KCNIP1: variants seen among roughly 807,000 people sequenced by gnomAD.
KCNIP1 encodes the protein A-type potassium channel modulatory protein KCNIP1.
KCNIP1 carries 18 observed loss-of-function variants against 33.0 expected under a neutral mutation model. That is an observed-to-expected ratio of 0.55 (90% CI 0.38 to 0.81). The LOEUF is 0.81. KCNIP1 is among the 30% of genes least tolerant of loss of function. The pLI, the probability that KCNIP1 is intolerant of heterozygous loss-of-function variation, is 0.00. For missense variants in KCNIP1, 238 were observed against 271.6 expected, an observed-to-expected ratio of 0.88 and a Z score of 0.87; for synonymous variants, 93 against 98.3, an observed-to-expected ratio of 0.95 and a Z score of 0.32.
intron 5 of KCNIP1, 58 bp from the exon 6 acceptor site, chr5:170,732,742 C>T: frequency 2.6e-6 from 3 of 1,143,756 alleles, no homozygotes; most frequent in Non-Finnish European, 4.0e-6. Context: ...ACTCTGTCAC[C>T]TAGGAAGAGC....
At chr5:170,355,121 T>G (rs1763311238) in intron 1 of KCNIP1, among the ~76,000 whole-genome samples, 1 of 152,200 alleles carries the variant, frequency 6.6e-6, no homozygotes, top group South Asian at 2.1e-4. Flanking sequence ...TCTGTTTATC[T>G]CCTTCCTTGG....
At chr5:170,546,437 G>A (rs1388453876) in intron 1 of KCNIP1, among the ~76,000 whole-genome samples, 1 of 152,110 alleles carries the variant, frequency 6.6e-6, no homozygotes, top group Non-Finnish European at 1.5e-5. Context: ...TATATTTCAG[G>A]CTTCTCTTGT....
At chr5:170,692,791 G>A (rs759340997) in intron 1 of KCNIP1, among the ~76,000 whole-genome samples, 11 of 152,186 alleles carry the variant, frequency 7.2e-5, no homozygotes, top group Admixed American at 2.0e-4. Flanking sequence ...ATGCTTATAT[G>A]TTGGTTAAAC....
At chr5:170,438,475 G>A (rs1016929619) in intron 1 of KCNIP1, among the ~76,000 whole-genome samples, 6 of 152,156 alleles carry the variant, frequency 3.9e-5, no homozygotes, top group African/African-American at 1.2e-4. Flanking sequence ...TCATCTGAGG[G>A]AGCTTTCTAA....
At chr5:170,679,134 C>T (rs989992393) in intron 1 of KCNIP1, 2 of 152,214 alleles carry the variant, frequency 1.3e-5, no homozygotes, top group Non-Finnish European at 2.9e-5. Context: ...GGTAGCGTGG[C>T]ATCCTGGTAA....
chr5:170,363,000 A>G (rs1309909060), intron 1 of KCNIP1, among the ~76,000 whole-genome samples: 1 of 152,244 alleles, frequency 6.6e-6, no homozygotes, highest in East Asian at 1.9e-4. Flanking sequence ...TCACAAGTTC[A>G]GAAACAGTGG....
chr5:170,689,347 C>T (rs532583026), intron 1 of KCNIP1, among the ~76,000 whole-genome samples: 2 of 152,164 alleles, frequency 1.3e-5, no homozygotes, highest in African/African-American at 4.8e-5. Context: ...GTAATAATAC[C>T]TCTGTGTTCA....
intron 1 of KCNIP1, among the ~76,000 whole-genome samples, chr5:170,478,312 A>T (rs1180140753): frequency 1.3e-5 from 2 of 152,230 alleles, no homozygotes; most frequent in Non-Finnish European, 2.9e-5. Flanking sequence ...GGTTAGAAAG[A>T]TATCACAGAC....
At chr5:170,449,526 C>T (rs1240440565) in intron 1 of KCNIP1, among the ~76,000 whole-genome samples, 1 of 152,230 alleles carries the variant, frequency 6.6e-6, no homozygotes, top group African/African-American at 2.4e-5. Context: ...TCCTGCCCCA[C>T]TTAGCAGCTG....
intron 1 of KCNIP1, among the ~76,000 whole-genome samples, chr5:170,655,780 G>T (rs1761236694): frequency 6.6e-6 from 1 of 152,172 alleles, no homozygotes; most frequent in Non-Finnish European, 1.5e-5. Context: ...CCCAACCGTA[G>T]CAAAGTTTAA....
At chr5:170,450,863 G>A (rs960020741) in intron 1 of KCNIP1, among the ~76,000 whole-genome samples, 8 of 152,134 alleles carry the variant, frequency 5.3e-5, no homozygotes, top group African/African-American at 1.9e-4. Flanking sequence ...TCCCCTGCAA[G>A]GCCAGGGGCT....
At chr5:170,383,226 A>G (rs1347188352) in intron 1 of KCNIP1, 1 of 282,518 alleles carries the variant, frequency 3.5e-6, no homozygotes, top group Non-Finnish European at 6.7e-6. Flanking sequence ...TTTCCTGGGG[A>G]GTCACCGGGA....
intron 1 of KCNIP1, among the ~76,000 whole-genome samples, chr5:170,621,994 G>A (rs1448972107): frequency 6.6e-6 from 1 of 152,114 alleles, no homozygotes; most frequent in East Asian, 1.9e-4. Context: ...CTTGCAAGCA[G>A]CCGTGTGACT....
intron 3 of KCNIP1, among the ~76,000 whole-genome samples, chr5:170,721,474 C>G (rs187445254): frequency 5.9e-5 from 9 of 152,306 alleles, no homozygotes; most frequent in African/African-American, 2.2e-4. Flanking sequence ...CATCCAAGTT[C>G]AGGTCTCTCT....
At chr5:170,518,146 G>T (rs183959847) in intron 1 of KCNIP1, among the ~76,000 whole-genome samples, 1 of 151,538 alleles carries the variant, frequency 6.6e-6, no homozygotes, top group East Asian at 1.9e-4. Context: ...TAGCAGTAGG[G>T]CTGATGGTGG....
intron 1 of KCNIP1, among the ~76,000 whole-genome samples, chr5:170,368,969 C>T (rs1001351562): frequency 6.6e-6 from 1 of 152,178 alleles, no homozygotes; most frequent in African/African-American, 2.4e-5. Context: ...CAGAGAGAGA[C>T]AGAGACAGAG....
intron 1 of KCNIP1, among the ~76,000 whole-genome samples, chr5:170,361,977 C>A (rs1035621868): frequency 1.3e-5 from 2 of 152,200 alleles, no homozygotes; most frequent in Non-Finnish European, 2.9e-5. Flanking sequence ...GGGCTTCAGT[C>A]TCTTCATCTC....
chr5:170,730,707 C>G (rs909261762), intron 5 of KCNIP1, among the ~76,000 whole-genome samples: 8 of 152,158 alleles, frequency 5.3e-5, no homozygotes, highest in African/African-American at 1.9e-4. Context: ...AGTACCTAGA[C>G]TTTGATTTCT....
intron 1 of KCNIP1, among the ~76,000 whole-genome samples, chr5:170,397,140 G>A (rs1754781142): frequency 6.6e-6 from 1 of 152,114 alleles, no homozygotes; most frequent in African/African-American, 2.4e-5. Flanking sequence ...TTTATTAAGA[G>A]GCATGTCCAA....
Sources: allele counts gnomAD v4.1 joint callset (sites outside exome capture counted in the v4.1 genomes callset), GRCh38; gene constraint gnomAD v4.1.1; transcripts MANE v1.5; gene names NCBI Gene and HGNC (gene_info 2026-07-23, HGNC 2026-07-21).